Variants in GABBR2 observed in about 807,000 individuals in gnomAD.
The protein encoded by GABBR2 is gamma-aminobutyric acid type B receptor subunit 2.
Under a neutral mutation model 105.6 loss-of-function variants are expected in GABBR2, and 23 were observed. That is an observed-to-expected ratio of 0.22 (90% CI 0.16 to 0.31). GABBR2 has a LOEUF of 0.31. Ranked by LOEUF, GABBR2 falls within the 10% of genes least tolerant of loss-of-function variation. GABBR2 has a pLI of 1.00. For missense variants in GABBR2, 734 were observed against 1,245.5 expected (o/e 0.59, Z 6.18); for synonymous variants, 478 against 499.7 (o/e 0.96, Z 0.58).
intron 1 of GABBR2, among the ~76,000 whole-genome samples, chr9:98,593,277 T>C (rs868174467): frequency 2.6e-5 from 4 of 152,342 alleles, no homozygotes; most frequent in Non-Finnish European, 5.9e-5. Flanking sequence ...CATTAAACCC[T>C]GGGGCTTCTC....
chr9:98,361,839 AC>A (rs757076962), intron 13 of GABBR2, among the ~76,000 whole-genome samples: 1 of 152,162 alleles, frequency 6.6e-6, no homozygotes, highest in African/African-American at 2.4e-5. Flanking sequence ...AGCTGAGTAA[AC>A]ACTGTCTCGA....
intron 17 of GABBR2, among the ~76,000 whole-genome samples, chr9:98,295,626 T>C (rs1388411016): frequency 1.3e-5 from 2 of 152,088 alleles, no homozygotes; most frequent in African/African-American, 2.4e-5. Flanking sequence ...CCCAGGTTCA[T>C]GTGATTCTCC....
chr9:98,540,119 G>C (rs75017903), intron 3 of GABBR2, among the ~76,000 whole-genome samples: 2,938 of 152,174 alleles, frequency 0.019, 86 homozygotes, highest in African/African-American at 0.067. Flanking sequence ...TTGGCAATGA[G>C]TCACTCCCGC....
At chr9:98,391,102 A>T (rs887676763) in intron 9 of GABBR2, among the ~76,000 whole-genome samples, 1 of 152,170 alleles carries the variant, frequency 6.6e-6, no homozygotes, top group African/African-American at 2.4e-5. Context: ...GATTAATCAC[A>T]ATTAATAATC....
chr9:98,346,702 T>C (rs1309581288), intron 13 of GABBR2, among the ~76,000 whole-genome samples: 1 of 152,176 alleles, frequency 6.6e-6, no homozygotes, highest in Admixed American at 6.5e-5. Context: ...TTTGTATTTG[T>C]TAACCAACCT....
At position 98,679,815 on chromosome 9, in the gene GABBR2, G is replaced by A. The variant is rs117324272; in HGVS notation, c.321+28602C>T. On this transcript the variant is annotated intron_variant, in intron 1 of 18. Coordinates refer to ENST00000259455, the MANE Select transcript of GABBR2 (RefSeq NM_005458.8). ...TTATCTCTGAAGACACAGGAGCACA[G>A]AGGGGAATCTGAACAAACAGGCCTT... 3.2e-3 allele frequency among the ~76,000 whole-genome samples: 480 copies of A among 152,318 alleles called. 11 individuals are homozygous for A. In the East Asian group the frequency reaches 0.039, roughly 12 times the overall value.
intron 8 of GABBR2, among the ~76,000 whole-genome samples, chr9:98,403,755 AAATATAT>A (rs1439844128): frequency 1.5e-4 from 21 of 141,318 alleles, no homozygotes; most frequent in African/African-American, 6.0e-4. Flanking sequence ...AGAAAAAAAA[AAATATAT>A]ATATATATAC....
chr9:98,295,378 G>A (rs1239605099), intron 17 of GABBR2, among the ~76,000 whole-genome samples: 3 of 152,176 alleles, frequency 2.0e-5, no homozygotes, highest in Non-Finnish European at 4.4e-5. Context: ...CAAGCACAGC[G>A]CTGAAGTGCT....
intron 1 of GABBR2, among the ~76,000 whole-genome samples, chr9:98,586,206 T>A (rs891146325): frequency 6.6e-6 from 1 of 152,018 alleles, no homozygotes; most frequent in African/African-American, 2.4e-5. Flanking sequence ...CGCCCACACC[T>A]GCACATAGCC....
chr9:98,667,561 G>C (rs978737533), intron 1 of GABBR2, among the ~76,000 whole-genome samples: 1 of 152,150 alleles, frequency 6.6e-6, no homozygotes, highest in Non-Finnish European at 1.5e-5. Context: ...CCCTTGCCTT[G>C]ATTTGGGACA....
intron 2 of GABBR2, among the ~76,000 whole-genome samples, chr9:98,565,636 T>C (rs1483418279): frequency 6.6e-6 from 1 of 152,122 alleles, no homozygotes; most frequent in African/African-American, 2.4e-5. Flanking sequence ...TGGGTGACTA[T>C]GTCCTTGAGT....
At chr9:98,561,519 A>G (rs752044256) in intron 2 of GABBR2, among the ~76,000 whole-genome samples, 2 of 152,140 alleles carry the variant, frequency 1.3e-5, no homozygotes, top group African/African-American at 4.8e-5. Context: ...GGAGGAGGAG[A>G]AGAAAGAGTC....
intron 13 of GABBR2, among the ~76,000 whole-genome samples, chr9:98,361,324 T>C (rs1203935654): frequency 6.6e-6 from 1 of 152,210 alleles, no homozygotes; most frequent in African/African-American, 2.4e-5. Flanking sequence ...CCAGAATTGC[T>C]GTGAGGATTA....
intron 7 of GABBR2, among the ~76,000 whole-genome samples, chr9:98,408,466 G>A (rs894688978): frequency 1.3e-5 from 2 of 152,142 alleles, no homozygotes; most frequent in South Asian, 2.1e-4. Flanking sequence ...AAGTATTGCC[G>A]ACTGGATAGG....
chr9:98,370,771 G>A (rs1042402995), intron 12 of GABBR2, among the ~76,000 whole-genome samples: 3 of 152,208 alleles, frequency 2.0e-5, no homozygotes, highest in African/African-American at 7.2e-5. Flanking sequence ...AGTTAAAGAG[G>A]ACAGTGGTGG....
intron 13 of GABBR2, among the ~76,000 whole-genome samples, chr9:98,331,072 G>A (rs1258922673): frequency 2.0e-5 from 3 of 152,106 alleles, no homozygotes; most frequent in Admixed American, 6.6e-5. Context: ...TGTAGCATGC[G>A]TCAGTACTTC....
chr9:98,613,788 T>C (rs1753503738), intron 1 of GABBR2, among the ~76,000 whole-genome samples: 1 of 152,200 alleles, frequency 6.6e-6, no homozygotes, highest in Non-Finnish European at 1.5e-5. Context: ...GCACTCACCA[T>C]ATGCGCTAAG....
rs571825090 is a variant in GABBR2, at chr9:98,361,920, C to T, written c.1893+795G>A. ...CTAGAAAGATAAAAGGCTCTGCCCT[C>T]AGTGCATAGAATGACCATTTCTGGT... On this transcript the variant is annotated intron_variant, in intron 13 of 18. Transcript: ENST00000259455. Among the ~76,000 whole-genome samples the T allele has an allele frequency of 2.0e-5, 3 of 152,358 alleles. No individual in the cohort carries two copies. The South Asian group carries it at 6.2e-4, about 32-fold the overall frequency.
rs148985960 is a variant in GABBR2, at chr9:98,440,797, C to A, written c.1236+13184G>T. Among the ~76,000 whole-genome samples, 737 of 152,278 alleles carry A rather than the reference C, an allele frequency of 4.8e-3. 9 individuals carry two copies. The highest frequency in any genetic ancestry group is 0.017 in the African/African-American group (687 of 41,558). On this transcript the variant is annotated intron_variant, in intron 7 of 18. Transcript: ENST00000259455. Reference sequence around the variant, plus strand: ...TCTGCATGAGCACACACAGGCGGAGCCAGTGTCCATCAGGGCCCACAGCCA... The same window carrying A: ...TCTGCATGAGCACACACAGGCGGAGACAGTGTCCATCAGGGCCCACAGCCA...
Sources: allele counts gnomAD v4.1 joint callset (sites outside exome capture counted in the v4.1 genomes callset), GRCh38; gene constraint gnomAD v4.1.1; transcripts MANE v1.5; gene names NCBI Gene and HGNC (gene_info 2026-07-23, HGNC 2026-07-21).